The following CR1 variants were observed in gnomAD, a reference collection of about 807,000 sequenced individuals.
CR1 encodes complement C3b/C4b receptor 1 (Knops blood group), also known as complement receptor type 1.
In CR1, 116 loss-of-function variants were observed where a neutral mutation model predicts 187.3. The observed-to-expected ratio is 0.62, with a 90% CI of 0.53 to 0.72. CR1 has a LOEUF of 0.72. Among genes scored for constraint, CR1 ranks in the 30% least tolerant of loss-of-function variants. CR1 has a pLI of 0.00. For missense variants in CR1, 1,731 were observed against 2,110.7 expected, an observed-to-expected ratio of 0.82 and a Z score of 3.52; for synonymous variants, 576 against 747.1, an observed-to-expected ratio of 0.77 and a Z score of 3.73.
At chr1:207,496,618 T>A (rs1364327937) in intron 1 of CR1, among the ~76,000 whole-genome samples, 1 of 152,188 alleles carries the variant, frequency 6.6e-6, no homozygotes, top group East Asian at 1.9e-4. Flanking sequence ...GTGCAGGGGC[T>A]TAAGTCGTGA....
chr1:207,596,686 C>A (rs1661453685), intron 35 of CR1, among the ~76,000 whole-genome samples: 1 of 149,800 alleles, frequency 6.7e-6, no homozygotes. Context: ...TTCTTGAGAC[C>A]AAAAAAGTTT....
chr1:207,525,879 C>T (rs1660152473), intron 5 of CR1, among the ~76,000 whole-genome samples: 2 of 152,040 alleles, frequency 1.3e-5, no homozygotes, highest in African/African-American at 4.8e-5. Context: ...AGTCATTTTT[C>T]TATTCCAATC....
chr1:207,625,392 T>C (rs1414409405), intron 45 of CR1, among the ~76,000 whole-genome samples: 1 of 152,256 alleles, frequency 6.6e-6, no homozygotes, highest in Non-Finnish European at 1.5e-5. Context: ...CAAACATCTA[T>C]GTAACCCACA....
chr1:207,522,837 T>G (rs1660038583), intron 4 of CR1, among the ~76,000 whole-genome samples: 1 of 152,190 alleles, frequency 6.6e-6, no homozygotes, highest in Non-Finnish European at 1.5e-5. Flanking sequence ...GGGATTTGGG[T>G]TGAAGAAATT....
chr1:207,519,708 C>G (rs979705247), intron 4 of CR1, among the ~76,000 whole-genome samples: 91 of 152,246 alleles, frequency 6.0e-4, no homozygotes, highest in African/African-American at 1.9e-3. Flanking sequence ...AGGCAGCCTC[C>G]CGAGCCAAAG....
At chr1:207,600,100 T>C (rs369507364) in intron 35 of CR1, among the ~76,000 whole-genome samples, 24 of 152,274 alleles carry the variant, frequency 1.6e-4, no homozygotes, top group African/African-American at 4.8e-4. Flanking sequence ...AAAATAGCCC[T>C]AGACAAATGA....
intron 35 of CR1, among the ~76,000 whole-genome samples, chr1:207,592,233 A>G (rs1257929370): frequency 6.6e-6 from 1 of 152,176 alleles, no homozygotes; most frequent in Non-Finnish European, 1.5e-5. Context: ...GCACATCAAA[A>G]AGCTTATCCA....
At chr1:207,618,772 G>A (rs1388757687) in intron 42 of CR1, among the ~76,000 whole-genome samples, 1 of 152,084 alleles carries the variant, frequency 6.6e-6, no homozygotes, top group Non-Finnish European at 1.5e-5. Context: ...TAGTCTGGGT[G>A]CGGTGGCTCA....
intron 3 of CR1, among the ~76,000 whole-genome samples, chr1:207,509,254 G>T (rs1313240723): frequency 1.3e-5 from 2 of 152,162 alleles, no homozygotes. Context: ...CATCCTGTAT[G>T]TGGTTTCTGG....
intron 42 of CR1, among the ~76,000 whole-genome samples, chr1:207,619,036 C>CAAA (rs71727231): frequency 5.7e-4 from 22 of 38,378 alleles, no homozygotes; most frequent in Non-Finnish European, 1.2e-3. Context: ...GACTCCGTCT[C>CAAA]AAAAAAAAAA....
chr1:207,581,393 T>TACATATGTATATACATATATATGGA (rs1451318222), intron 31 of CR1, among the ~76,000 whole-genome samples: 2 of 149,810 alleles, frequency 1.3e-5, no homozygotes, highest in Non-Finnish European at 3.0e-5. Flanking sequence ...TATGTATATA[T>TACATATGTATATACATATATATGGA]ACATATGTAT....
At chr1:207,512,366 T>TA (rs1292145957) in intron 4 of CR1, among the ~76,000 whole-genome samples, 2 of 152,142 alleles carry the variant, frequency 1.3e-5, no homozygotes, top group Non-Finnish European at 2.9e-5. Context: ...TATTCAGCCA[T>TA]AAAAAATGAC....
chr1:207,496,390 T>A lies in CR1; in HGVS notation c.121+2T>A, dbSNP rs1265430307. 1 of 1,606,570 alleles carries A rather than the reference T, an allele frequency of 6.2e-7. No homozygotes were observed. The highest frequency in any genetic ancestry group is 1.1e-5 in the South Asian group (1 of 90,720). On this transcript the variant is annotated splice_donor_variant, in intron 1 of 46. Coordinates refer to ENST00000367049, the MANE Select transcript of CR1 (RefSeq NM_000651.6). LOFTEE classifies it high-confidence loss of function. ...TGCTTGCGCTGCCGGTGGCCTGGGG[T>A]GAGAGGCGGGCGGGCGTGGGGAGGC...
chr1:207,575,842 C>T (rs907229887), intron 28 of CR1, among the ~76,000 whole-genome samples, 162 bp downstream of exon 28: 22 of 152,116 alleles, frequency 1.4e-4, no homozygotes, highest in African/African-American at 3.4e-4. Context: ...TCCAAACTTC[C>T]GCCTTCACCT....
At chr1:207,612,349 TAA>T (rs1459803864) in intron 39 of CR1, among the ~76,000 whole-genome samples, 1 of 152,176 alleles carries the variant, frequency 6.6e-6, no homozygotes, top group Non-Finnish European at 1.5e-5. Flanking sequence ...CATAATTTTA[TAA>T]GAGGTATGCT....
At position 207,581,886 on chromosome 1, in the gene CR1, A is replaced by C. The variant is rs757272769; in HGVS notation, c.5217-32A>C. ...CACGAAGGGAAGAGAGAAATGGTGCATTCATCCAGCCACTACTGCTTTGTT... is the reference window on the plus strand; with the variant it reads ...CACGAAGGGAAGAGAGAAATGGTGCCTTCATCCAGCCACTACTGCTTTGTT... On this transcript the variant is annotated intron_variant, in intron 31 of 46. Coordinates refer to ENST00000367049, the MANE Select transcript of CR1 (RefSeq NM_000651.6). 1.2e-5 allele frequency: 18 copies of C among 1,471,224 alleles called. No individual in the cohort carries two copies. In the East Asian group the frequency reaches 4.1e-4, roughly 33 times the overall value. 91.1% of individuals were successfully genotyped at this position (1,471,224 alleles called of 1,614,324 possible).
At chr1:207,499,123 C>T (rs915090716) in intron 1 of CR1, among the ~76,000 whole-genome samples, 1 of 151,880 alleles carries the variant, frequency 6.6e-6, no homozygotes. Flanking sequence ...ACAACAAGAC[C>T]GTTTTAAATA....
Position 207,614,384 on chromosome 1 carries a change from A to G in CR1, c.6576-20A>G. ...GATGGGAATTGCTCACACATTTGCTACCACTTTTTTTTTCTTTAGGTTCCG... is the reference window on the plus strand; with the variant it reads ...GATGGGAATTGCTCACACATTTGCTGCCACTTTTTTTTTCTTTAGGTTCCG... On this transcript the variant is annotated intron_variant, in intron 39 of 46. Coordinates refer to ENST00000367049, the MANE Select transcript of CR1 (RefSeq NM_000651.6). 8.1e-6 allele frequency: 13 copies of G among 1,597,972 alleles called. No homozygotes were observed. The highest frequency in any genetic ancestry group is 1.1e-5 in the Non-Finnish European group (13 of 1,167,874).
intron 39 of CR1, among the ~76,000 whole-genome samples, chr1:207,613,212 C>G (rs1017579937): frequency 6.6e-6 from 1 of 152,116 alleles, no homozygotes; most frequent in East Asian, 1.9e-4. Context: ...AGCTTCTCAG[C>G]GGAGACGAGA....
Sources: gnomAD v4.1 joint callset for allele counts (sites outside exome capture counted in the v4.1 genomes callset) on GRCh38, gnomAD v4.1.1 for gene constraint, MANE v1.5 for transcripts, NCBI Gene and HGNC (gene_info 2026-07-23, HGNC 2026-07-21) for gene names.